Variants in MED4 observed in about 807,000 individuals in gnomAD.
MED4 encodes the protein mediator complex subunit 4.
In MED4, 21 loss-of-function variants were observed where a neutral mutation model predicts 35.0. That is an observed-to-expected ratio of 0.60 (90% CI 0.43 to 0.86). The LOEUF (loss-of-function observed/expected upper bound fraction) is 0.86, where lower values mean the gene tolerates loss of function less well. Ranked by LOEUF, MED4 falls within the 40% of genes least tolerant of loss-of-function variation. The probability of loss-of-function intolerance (pLI) is 0.00; values close to 1 mark genes in which losing one functional copy is unlikely to be tolerated. For missense variants in MED4, 300 were observed against 319.4 expected, an observed-to-expected ratio of 0.94 and a Z score of 0.46; for synonymous variants, 138 against 114.0, an observed-to-expected ratio of 1.21 and a Z score of -1.34.
At chr13:48,087,051 A>T (rs1390393874) in intron 2 of MED4, among the ~76,000 whole-genome samples, 2 of 151,872 alleles carry the variant, frequency 1.3e-5, no homozygotes, top group Non-Finnish European at 2.9e-5. Flanking sequence ...GTCTCAAAAA[A>T]AAAAAAAAGT....
Position 48,076,918 on chromosome 13 carries a change from A to C in MED4, c.*221T>G, listed in dbSNP as rs1950763314. Reference sequence around the variant, plus strand: ...ACTGCTTTTTCAACAGTAAATTTTGACTATTCCCCTAAATATCTACCTAGT... The same window carrying C: ...ACTGCTTTTTCAACAGTAAATTTTGCCTATTCCCCTAAATATCTACCTAGT... On this transcript the variant is annotated 3_prime_UTR_variant, in exon 7 of 7. Transcript: ENST00000258648. 1 of 434,990 alleles carries C rather than the reference A, an allele frequency of 2.3e-6. No individual in the cohort carries two copies. Among genetic ancestry groups the C allele is most frequent in the South Asian group, 3.8e-5 (1 of 26,110 alleles). The allele number at this position is 434,990 out of a possible 1,614,324, so 26.9% of individuals were successfully genotyped here.
At chr13:48,090,547 C>T (rs1950883212) in intron 1 of MED4, 129 bp from the exon 2 acceptor site, 1 of 626,240 alleles carries the variant, frequency 1.6e-6, no homozygotes, top group Non-Finnish European at 2.7e-6. Flanking sequence ...GGTTACCAAA[C>T]TTATTTATAA....
rs1325931257 is a variant in MED4, at chr13:48,095,059, C to T, written c.20G>A (p.Gly7Asp). 7 of 1,604,970 alleles carry T rather than the reference C, an allele frequency of 4.4e-6. No individual in the cohort carries two copies. Among genetic ancestry groups the T allele is most frequent in the Non-Finnish European group, 5.9e-6 (7 of 1,179,914 alleles). MAASSSGEKEKERLGGG... is the reference protein window; with the variant it reads MAASSSDEKEKERLGGG... The stretch of plus-strand genomic sequence containing the variant: ...TCCCAGCCGCTCCTTCTCCTTCTCA[C>T]CACTCGAAGACGCAGCCATTTTCCC... Residue 7 changes from glycine (G) to aspartate (D), a missense_variant, in exon 1 of 7, where the codon GGT becomes GAT. Transcript: ENST00000258648.
chr13:48,079,558 A>G (rs1271891851), intron 6 of MED4, among the ~76,000 whole-genome samples: 1 of 151,800 alleles, frequency 6.6e-6, no homozygotes, highest in Non-Finnish European at 1.5e-5. Flanking sequence ...TGGCCAACAG[A>G]GCGAAACCCC....
intron 1 of MED4, among the ~76,000 whole-genome samples, chr13:48,092,812 G>A (rs1320061328): frequency 1.3e-5 from 2 of 152,208 alleles, no homozygotes; most frequent in South Asian, 4.1e-4. Flanking sequence ...GGGCAGGAGT[G>A]GTGCTGACTA....
At chr13:48,094,924 C>A (rs1200844196) in intron 1 of MED4, 30 bp downstream of exon 1, 3 of 1,599,104 alleles carry the variant, frequency 1.9e-6, no homozygotes, top group Non-Finnish European at 8.5e-7. Flanking sequence ...CGGCCCAGCT[C>A]CAGCCCGGCT....
chr13:48,094,528 CAA>C (rs1290899437), intron 1 of MED4, among the ~76,000 whole-genome samples: 1 of 152,024 alleles, frequency 6.6e-6, no homozygotes, highest in African/African-American at 2.4e-5. Context: ...TGACTACAAC[CAA>C]AAAAGGTGCC....
chr13:48,086,506 C>G, intron 2 of MED4, 54 bp from the exon 3 acceptor site: 1 of 1,500,640 alleles, frequency 6.7e-7, no homozygotes, highest in South Asian at 1.2e-5. Context: ...AGGCTGCATT[C>G]CAATGAAACA....
intron 6 of MED4, among the ~76,000 whole-genome samples, chr13:48,079,204 G>A (rs1950785724): frequency 6.6e-6 from 1 of 152,070 alleles, no homozygotes; most frequent in Admixed American, 6.6e-5. Context: ...TGTTAACTTG[G>A]GGGTTGTTCA....
Position 48,076,035 on chromosome 13 carries a change from A to G in MED4, c.*1104T>C, listed in dbSNP as rs945321082. 4.6e-5 allele frequency: 7 copies of G among 152,240 alleles called. No individual in the cohort carries two copies. Among genetic ancestry groups the G allele is most frequent in the African/African-American group, 1.4e-4 (6 of 41,480 alleles). 9.4% of individuals were successfully genotyped at this position (152,240 alleles called of 1,614,324 possible). On this transcript the variant is annotated 3_prime_UTR_variant, in exon 7 of 7. Transcript: ENST00000258648. ...AATACAGCAGTATCTCAGGAAATAA[A>G]CATTATTCTCATTTTACAAAAAAGT...
At chr13:48,092,522 G>C (rs1326658196) in intron 1 of MED4, among the ~76,000 whole-genome samples, 1 of 152,204 alleles carries the variant, frequency 6.6e-6, no homozygotes, top group Non-Finnish European at 1.5e-5. Context: ...TAAATAGACT[G>C]TAAGAGGGCC....
intron 3 of MED4, among the ~76,000 whole-genome samples, chr13:48,085,096 C>G (rs1407691779): frequency 6.6e-6 from 1 of 151,726 alleles, no homozygotes; most frequent in Non-Finnish European, 1.5e-5. Context: ...CTTGTACTCC[C>G]GACCTCAGGT....
chr13:48,083,626 T>C (rs1407684344), intron 3 of MED4, among the ~76,000 whole-genome samples, 198 bp from the exon 4 acceptor site: 1 of 152,216 alleles, frequency 6.6e-6, no homozygotes, highest in Non-Finnish European at 1.5e-5. Flanking sequence ...AATATTATAT[T>C]TATGAACTAG....
chr13:48,087,560 C>A (rs1046178054), intron 2 of MED4, among the ~76,000 whole-genome samples: 1 of 149,786 alleles, frequency 6.7e-6, no homozygotes, highest in Non-Finnish European at 1.5e-5. Context: ...CTTAAAAATA[C>A]GGTGATTTCG....
rs1950808803 is a variant in MED4, at chr13:48,081,625, A to AAT, written c.508+18_508+19dup. On this transcript the variant is annotated intron_variant, in intron 5 of 6. Transcript: ENST00000258648. ...CTTCAAAACCACATATATCTAGTAT[A>AAT]ATAAGACGAGTATGTTTACCTGGAA... 6.4e-7 allele frequency: 1 copy of AAT among 1,571,766 alleles called. No individual in the cohort carries two copies. The highest frequency in any genetic ancestry group is 1.4e-5 in the African/African-American group (1 of 73,678).
In MED4 at chr13:48,077,134, GT is replaced by G; in HGVS notation, c.*4del. 1 of 1,593,754 alleles carries G rather than the reference GT, an allele frequency of 6.3e-7. No individual in the cohort carries two copies. Among genetic ancestry groups the G allele is most frequent in the Non-Finnish European group, 8.5e-7 (1 of 1,172,390 alleles). On this transcript the variant is annotated 3_prime_UTR_variant, in exon 7 of 7. Coordinates refer to ENST00000258648, the MANE Select transcript of MED4 (RefSeq NM_014166.4). ...TCAATTCTGTATATTGTCTTTTAAG[GT>G]TTTTCAATCAGACTCACTACTACTG...
chr13:48,089,261 C>A (rs1950873676), intron 2 of MED4, among the ~76,000 whole-genome samples: 1 of 152,166 alleles, frequency 6.6e-6, no homozygotes, highest in Non-Finnish European at 1.5e-5. Context: ...TCATCTGGAT[C>A]CCCTCCTCCC....
rs375551718 is a variant in MED4, at chr13:48,095,049, C to T, written c.30G>A (p.Glu10=). 17 of 1,605,526 alleles carry T rather than the reference C, an allele frequency of 1.1e-5. No individual in the cohort carries two copies. The highest frequency in any genetic ancestry group is 1.4e-5 in the Non-Finnish European group (17 of 1,179,790). The change falls in exon 1 of 7, where the codon GAG becomes GAA. Residue 10 remains glutamate, a synonymous_variant. Transcript: ENST00000258648. ...CCAAACCGCCTCCCAGCCGCTCCTT[C>T]TCCTTCTCACCACTCGAAGACGCAG... MAASSSGEK[E]KERLGGGLGV... is the part of the protein sequence containing the mutation.
intron 1 of MED4, among the ~76,000 whole-genome samples, chr13:48,092,069 G>T (rs1950893690): frequency 6.6e-6 from 1 of 152,086 alleles, no homozygotes; most frequent in Non-Finnish European, 1.5e-5. Context: ...ATTACGTAGG[G>T]CCTTATAGTT....
Sources: gnomAD v4.1 joint callset for allele counts (sites outside exome capture counted in the v4.1 genomes callset) on GRCh38, gnomAD v4.1.1 for gene constraint, MANE v1.5 for transcripts, NCBI Gene and HGNC (gene_info 2026-07-23, HGNC 2026-07-21) for gene names.